RAB12: variants seen among roughly 807,000 people sequenced by gnomAD.
RAB12 encodes the protein RAB12, member RAS oncogene family.
Under a neutral mutation model 28.4 loss-of-function variants are expected in RAB12, and 11 were observed. The observed-to-expected ratio is 0.39, with a 90% CI of 0.24 to 0.64. The LOEUF is 0.64. RAB12 is among the 30% of genes least tolerant of loss of function. RAB12 has a pLI of 0.50. For synonymous variants in RAB12, 138 were observed against 145.3 expected, an observed-to-expected ratio of 0.95 and a Z score of 0.36; for missense variants, 276 against 351.1, an observed-to-expected ratio of 0.79 and a Z score of 1.71.
chr18:8,610,961 T>G (rs1368247903), intron 1 of RAB12, among the ~76,000 whole-genome samples: 1 of 152,230 alleles, frequency 6.6e-6, no homozygotes, highest in Non-Finnish European at 1.5e-5. Flanking sequence ...CAGTACGATT[T>G]TGAGATGACT....
intron 1 of RAB12, among the ~76,000 whole-genome samples, chr18:8,616,861 C>A (rs1287670153): frequency 6.6e-6 from 1 of 152,062 alleles, no homozygotes; most frequent in African/African-American, 2.4e-5. Context: ...CCAGGGAGAT[C>A]TAGGCTGCAG....
At chr18:8,618,635 G>A (rs945002168) in intron 1 of RAB12, among the ~76,000 whole-genome samples, 4 of 151,852 alleles carry the variant, frequency 2.6e-5, no homozygotes, top group East Asian at 1.9e-4. Flanking sequence ...TCAGCCTCCC[G>A]AGCAGCTGGG....
intron 2 of RAB12, among the ~76,000 whole-genome samples, chr18:8,627,057 T>A (rs1245238749): frequency 1.3e-5 from 2 of 152,400 alleles, no homozygotes; most frequent in African/African-American, 4.8e-5. Flanking sequence ...TGAAAACCTT[T>A]TCCTTCATTA....
intron 1 of RAB12, among the ~76,000 whole-genome samples, chr18:8,620,575 AATC>A (rs1242177999): frequency 6.6e-6 from 1 of 151,414 alleles, no homozygotes; most frequent in Non-Finnish European, 1.5e-5. Context: ...TTTTTTAACT[AATC>A]AGTCCTGAAT....
intron 4 of RAB12, 96 bp from the exon 5 acceptor site, chr18:8,636,157 C>T (rs763208940): frequency 1.1e-4 from 90 of 791,808 alleles, no homozygotes; most frequent in Non-Finnish European, 1.9e-4. Flanking sequence ...CCCCTTAATC[C>T]CAGCCCTTCC....
At chr18:8,623,012 G>C (rs1340908879) in intron 1 of RAB12, among the ~76,000 whole-genome samples, 5 of 152,146 alleles carry the variant, frequency 3.3e-5, no homozygotes, top group Admixed American at 2.6e-4. Context: ...CTGTTATCCT[G>C]TTCTTTTTCA....
At chr18:8,635,734 G>A (rs2096018540) in intron 4 of RAB12, 112 bp downstream of exon 4, 2 of 649,368 alleles carry the variant, frequency 3.1e-6, no homozygotes, top group African/African-American at 3.7e-5. Flanking sequence ...TCAATACAGT[G>A]ATAACTCAGT....
chr18:8,618,656 C>T (rs1440568451), intron 1 of RAB12, among the ~76,000 whole-genome samples: 2 of 152,030 alleles, frequency 1.3e-5, no homozygotes, highest in African/African-American at 4.8e-5. Flanking sequence ...ACCACAGGCA[C>T]CCACCACCAC....
At chr18:8,638,107 G>A (rs1187927515) in intron 5 of RAB12, 42 bp from the exon 6 acceptor site, 1 of 1,367,990 alleles carries the variant, frequency 7.3e-7, no homozygotes, top group Non-Finnish European at 1.0e-6. Context: ...TGTGTACCTT[G>A]TAAAGTTAAA....
At chr18:8,618,121 T>G (rs1359158219) in intron 1 of RAB12, among the ~76,000 whole-genome samples, 2 of 152,130 alleles carry the variant, frequency 1.3e-5, no homozygotes, top group African/African-American at 2.4e-5. Context: ...CAACTGTCCC[T>G]CTGTCCTCCC....
At chr18:8,636,185 A>T in intron 4 of RAB12, 68 bp from the exon 5 acceptor site, 1 of 992,630 alleles carries the variant, frequency 1.0e-6, no homozygotes, top group Non-Finnish European at 1.6e-6. Context: ...CTGAGCCCAG[A>T]GACCTCATGC....
intron 2 of RAB12, among the ~76,000 whole-genome samples, chr18:8,630,484 G>A (rs1482333485): frequency 6.6e-6 from 1 of 152,172 alleles, no homozygotes; most frequent in Admixed American, 6.5e-5. Context: ...GACTTAAAGT[G>A]TGTGTTCATG....
chr18:8,613,098 A>G (rs2096004756), intron 1 of RAB12, among the ~76,000 whole-genome samples: 1 of 152,246 alleles, frequency 6.6e-6, no homozygotes, highest in Non-Finnish European at 1.5e-5. Context: ...TGTTAATCAA[A>G]TCAGAAACTG....
chr18:8,622,570 A>G (rs562168269), intron 1 of RAB12, among the ~76,000 whole-genome samples: 2 of 152,360 alleles, frequency 1.3e-5, no homozygotes, highest in South Asian at 2.1e-4. Context: ...GTAATAGACT[A>G]TCACAAGGCA....
At chr18:8,619,984 A>C (rs1360270744) in intron 1 of RAB12, among the ~76,000 whole-genome samples, 1 of 151,984 alleles carries the variant, frequency 6.6e-6, no homozygotes, top group Admixed American at 6.6e-5. Context: ...AAAAACCAAA[A>C]TCAGTTAGTG....
chr18:8,637,796 T>A (rs1316005941), intron 5 of RAB12, among the ~76,000 whole-genome samples: 1 of 152,172 alleles, frequency 6.6e-6, no homozygotes, highest in Non-Finnish European at 1.5e-5. Flanking sequence ...TATACCATGT[T>A]CTTAAAGTAA....
intron 1 of RAB12, among the ~76,000 whole-genome samples, chr18:8,617,144 C>T (rs935598542): frequency 4.6e-5 from 7 of 152,182 alleles, no homozygotes; most frequent in African/African-American, 1.7e-4. Context: ...TCACATCTCA[C>T]AGTATAGGCA....
In RAB12 at chr18:8,621,999, T is replaced by C. The variant is rs543190825; in HGVS notation, c.515-2939T>C. On this transcript the variant is annotated intron_variant, in intron 1 of 5. Transcript: ENST00000649141. ...ATTTTTATTCATTAAATGTTGTGAT[T>C]ACAAAATAGTCCTAGTGTAGGACTG... is the stretch of plus-strand genomic sequence containing the variant. Among the ~76,000 whole-genome samples the C allele has an allele frequency of 2.6e-5, 4 of 152,356 alleles. No individual in the cohort carries two copies. In the East Asian group the frequency reaches 7.7e-4, roughly 29 times the overall value.
intron 1 of RAB12, among the ~76,000 whole-genome samples, chr18:8,618,867 G>GT (rs1223311822): frequency 6.6e-6 from 1 of 152,174 alleles, no homozygotes; most frequent in Non-Finnish European, 1.5e-5. Context: ...TCCCCGGTAG[G>GT]TGGTAGAGTT....
Sources: gnomAD v4.1 joint callset for allele counts (sites outside exome capture counted in the v4.1 genomes callset) on GRCh38, gnomAD v4.1.1 for gene constraint, MANE v1.5 for transcripts, NCBI Gene and HGNC (gene_info 2026-07-23, HGNC 2026-07-21) for gene names.